The following CCSER1 variants were observed in gnomAD, a reference collection of about 807,000 sequenced individuals.
CCSER1 encodes coiled-coil serine rich protein 1.
Under a neutral mutation model 82.0 loss-of-function variants are expected in CCSER1, and 41 were observed. The ratio of observed to expected loss-of-function variants is 0.50; its 90% confidence interval spans 0.39 to 0.65. The LOEUF (loss-of-function observed/expected upper bound fraction) is 0.65. Ranked by LOEUF, CCSER1 falls within the 30% of genes least tolerant of loss-of-function variation. The pLI, the probability that CCSER1 is intolerant of heterozygous loss-of-function variation, is 0.00. For missense variants in CCSER1, 1,119 were observed against 1,064.2 expected (o/e 1.05, Z -0.72); for synonymous variants, 414 against 383.9 (o/e 1.08, Z -0.92).
chr4:90,640,150 A>T (rs1200067323), intron 6 of CCSER1, among the ~76,000 whole-genome samples: 2 of 152,196 alleles, frequency 1.3e-5, no homozygotes, highest in African/African-American at 4.8e-5. Context: ...TTCCAAAAGC[A>T]TAGTAATAAG....
chr4:90,630,146 C>G (rs1443977932), intron 6 of CCSER1, among the ~76,000 whole-genome samples: 2 of 152,112 alleles, frequency 1.3e-5, no homozygotes, highest in Non-Finnish European at 2.9e-5. Flanking sequence ...TGATTCTATA[C>G]TGACAACATA....
At chr4:91,429,266 C>T (rs1458439857) in intron 10 of CCSER1, among the ~76,000 whole-genome samples, 2 of 151,788 alleles carry the variant, frequency 1.3e-5, no homozygotes, top group South Asian at 4.2e-4. Flanking sequence ...CTTGACTGAT[C>T]GTTTTTGATA....
At chr4:90,770,982 A>G (rs1752058101) in intron 7 of CCSER1, among the ~76,000 whole-genome samples, 1 of 152,198 alleles carries the variant, frequency 6.6e-6, no homozygotes, top group Admixed American at 6.5e-5. Context: ...TTCACAAGAA[A>G]AAAATTACTA....
At chr4:91,218,455 G>A (rs571731183) in intron 10 of CCSER1, among the ~76,000 whole-genome samples, 17 of 152,182 alleles carry the variant, frequency 1.1e-4, no homozygotes, top group Admixed American at 3.3e-4. Flanking sequence ...CTCAAATGCC[G>A]CCAAAGTGGG....
At chr4:90,387,050 T>C (rs977496210) in intron 3 of CCSER1, among the ~76,000 whole-genome samples, 1 of 152,188 alleles carries the variant, frequency 6.6e-6, no homozygotes, top group South Asian at 2.1e-4. Context: ...TAAGAGTTAA[T>C]GAATAAGGAA....
At chr4:90,533,342 G>A (rs1470507797) in intron 5 of CCSER1, among the ~76,000 whole-genome samples, 3 of 151,868 alleles carry the variant, frequency 2.0e-5, no homozygotes, top group Admixed American at 1.3e-4. Flanking sequence ...TAACCCGCCC[G>A]CCTTGGCCTC....
rs182110085 is a variant in CCSER1, at chr4:90,484,360, G to C, written c.1724+16006G>C. Among the ~76,000 whole-genome samples the C allele has an allele frequency of 3.5e-4, 54 of 152,176 alleles. No homozygotes were observed. In the East Asian group the frequency reaches 9.8e-3, roughly 28 times the overall value. On this transcript the variant is annotated intron_variant, in intron 5 of 10. Transcript: ENST00000509176. Reference sequence around the variant, plus strand: ...GAGTAGTTTGATCTTCTGAAGCCTTGTTCTCTCAACTCATCAAAGTCATTC... The same window carrying C: ...GAGTAGTTTGATCTTCTGAAGCCTTCTTCTCTCAACTCATCAAAGTCATTC...
chr4:90,525,450 A>G (rs1284706565), intron 5 of CCSER1, among the ~76,000 whole-genome samples: 1 of 152,158 alleles, frequency 6.6e-6, no homozygotes, highest in Non-Finnish European at 1.5e-5. Flanking sequence ...TATACTATTA[A>G]TAGTAATGCT....
At chr4:91,466,300 A>G (rs1756901742) in intron 10 of CCSER1, among the ~76,000 whole-genome samples, 1 of 152,210 alleles carries the variant, frequency 6.6e-6, no homozygotes, top group Non-Finnish European at 1.5e-5. Flanking sequence ...ACAAAATTCA[A>G]CAGCCCTTCA....
At chr4:91,274,508 G>T (rs1742272609) in intron 10 of CCSER1, among the ~76,000 whole-genome samples, 1 of 151,998 alleles carries the variant, frequency 6.6e-6, no homozygotes, top group South Asian at 2.1e-4. Flanking sequence ...CCAGGCCCTA[G>T]TATTTATCAT....
intron 6 of CCSER1, among the ~76,000 whole-genome samples, chr4:90,699,538 A>T (rs1013741595): frequency 1.3e-5 from 2 of 152,094 alleles, no homozygotes; most frequent in Admixed American, 1.3e-4. Context: ...ATTGTGGGGG[A>T]GGTTCTGCTT....
At chr4:90,778,160 TATTATCTTGAACACTG>T (rs1177289481) in intron 7 of CCSER1, among the ~76,000 whole-genome samples, 1 of 152,174 alleles carries the variant, frequency 6.6e-6, no homozygotes, top group Non-Finnish European at 1.5e-5. Flanking sequence ...ACTCAGATTA[TATTATCTTGAACACTG>T]TGCTGCTTAA....
intron 9 of CCSER1, among the ~76,000 whole-genome samples, chr4:90,949,660 G>A (rs1178657241): frequency 6.6e-6 from 1 of 152,098 alleles, no homozygotes; most frequent in East Asian, 1.9e-4. Flanking sequence ...TATGTACTGA[G>A]CAACTGTTTT....
intron 5 of CCSER1, among the ~76,000 whole-genome samples, chr4:90,604,954 G>A (rs1004109759): frequency 6.6e-6 from 1 of 152,160 alleles, no homozygotes; most frequent in Non-Finnish European, 1.5e-5. Flanking sequence ...GTCAGATAAG[G>A]GAATAAAAGC....
At chr4:90,990,308 C>T (rs1047648407) in intron 9 of CCSER1, among the ~76,000 whole-genome samples, 4 of 151,858 alleles carry the variant, frequency 2.6e-5, no homozygotes, top group African/African-American at 4.8e-5. Context: ...ATTCTACTCA[C>T]TGGGGCAAAA....
intron 1 of CCSER1, among the ~76,000 whole-genome samples, chr4:90,223,133 C>T (rs1017085597): frequency 2.4e-4 from 37 of 152,162 alleles, no homozygotes; most frequent in African/African-American, 8.7e-4. Context: ...TTCCTAACCC[C>T]ATGCAATCAC....
chr4:90,650,179 T>G (rs1009069824), intron 6 of CCSER1, among the ~76,000 whole-genome samples: 2 of 152,006 alleles, frequency 1.3e-5, no homozygotes, highest in Non-Finnish European at 2.9e-5. Flanking sequence ...GTTGCACCAC[T>G]GCACTCCAGC....
chr4:91,595,107 G>C (rs1764504870), intron 10 of CCSER1, among the ~76,000 whole-genome samples: 1 of 151,558 alleles, frequency 6.6e-6, no homozygotes, highest in Non-Finnish European at 1.5e-5. Flanking sequence ...CCTTCCCAGG[G>C]CCTGCCAATG....
At chr4:90,734,832 G>A (rs1745388737) in intron 7 of CCSER1, among the ~76,000 whole-genome samples, 1 of 151,948 alleles carries the variant, frequency 6.6e-6, no homozygotes, top group Non-Finnish European at 1.5e-5. Context: ...TTTTCTGATT[G>A]CTCTAGCTAG....
Sources: allele counts gnomAD v4.1 joint callset (sites outside exome capture counted in the v4.1 genomes callset), GRCh38; gene constraint gnomAD v4.1.1; transcripts MANE v1.5; gene names NCBI Gene and HGNC (gene_info 2026-07-23, HGNC 2026-07-21).